The following ABHD3 variants were observed in gnomAD, a reference collection of about 807,000 sequenced individuals.
The protein encoded by ABHD3 is abhydrolase domain containing 3, phospholipase.
A neutral mutation model predicts 48.8 loss-of-function variants in ABHD3; 46 were observed. The observed-to-expected ratio is 0.94, with a 90% CI of 0.74 to 1.20. The LOEUF (loss-of-function observed/expected upper bound fraction) is 1.20, where lower values mean the gene tolerates loss of function less well. ABHD3 is among the 50% of genes most tolerant of loss of function. ABHD3 has a pLI of 0.00. For synonymous variants in ABHD3, 192 were observed against 183.7 expected, an observed-to-expected ratio of 1.04 and a Z score of -0.36; for missense variants, 490 against 497.8, an observed-to-expected ratio of 0.98 and a Z score of 0.15.
At chr18:21,694,643 G>A (rs565366464) in intron 3 of ABHD3, among the ~76,000 whole-genome samples, 19 of 152,086 alleles carry the variant, frequency 1.2e-4, no homozygotes, top group African/African-American at 4.6e-4. Flanking sequence ...AAAATCCCTC[G>A]AGTGATCCTT....
intron 5 of ABHD3, 64 bp downstream of exon 5, chr18:21,664,053 CT>C: frequency 6.5e-7 from 1 of 1,534,444 alleles, no homozygotes; most frequent in Non-Finnish European, 8.7e-7. Context: ...TTATAGTCCT[CT>C]CAAAGAGACA....
At chr18:21,660,428 A>G (rs1744599798) in intron 5 of ABHD3, among the ~76,000 whole-genome samples, 5 of 151,980 alleles carry the variant, frequency 3.3e-5, no homozygotes, top group Admixed American at 3.3e-4. Context: ...TTATTTCCTA[A>G]CACATATTTT....
intron 3 of ABHD3, among the ~76,000 whole-genome samples, chr18:21,700,651 C>G (rs1235342187): frequency 6.8e-6 from 1 of 147,612 alleles, no homozygotes; most frequent in South Asian, 2.2e-4. Context: ...CCACCTGCCT[C>G]GGCCTCCCAA....
chr18:21,692,488 T>C (rs1171381116), intron 3 of ABHD3, among the ~76,000 whole-genome samples: 1 of 152,160 alleles, frequency 6.6e-6, no homozygotes, highest in Non-Finnish European at 1.5e-5. Flanking sequence ...TGGTTATTTC[T>C]TGCTGATCAT....
At chr18:21,701,501 G>A (rs2040512909) in intron 3 of ABHD3, 1 of 152,134 alleles carries the variant, frequency 6.6e-6, no homozygotes. Context: ...ACTGTGACCA[G>A]CCTAAAATTA....
At chr18:21,698,784 T>C (rs1221639546) in intron 3 of ABHD3, among the ~76,000 whole-genome samples, 1 of 152,050 alleles carries the variant, frequency 6.6e-6, no homozygotes, top group Non-Finnish European at 1.5e-5. Context: ...TTTCGCCATG[T>C]GGGCCAGGCT....
chr18:21,699,080 G>A (rs533781556), intron 3 of ABHD3, among the ~76,000 whole-genome samples: 6 of 151,660 alleles, frequency 4.0e-5, no homozygotes, highest in Non-Finnish European at 1.5e-5. Context: ...GATTACAGGC[G>A]CACACCACTA....
intron 4 of ABHD3, among the ~76,000 whole-genome samples, chr18:21,674,624 A>G (rs1287304621): frequency 6.6e-6 from 1 of 152,136 alleles, no homozygotes; most frequent in Admixed American, 6.5e-5. Context: ...TCAAGGATTA[A>G]ATGTGTTCAC....
intron 3 of ABHD3, among the ~76,000 whole-genome samples, chr18:21,689,229 A>G (rs2040190791): frequency 6.6e-6 from 1 of 152,074 alleles, no homozygotes; most frequent in Non-Finnish European, 1.5e-5. Context: ...GGTATTACTC[A>G]ATGATAAATA....
rs568032719 is a variant in ABHD3 at position 21,695,557 on chromosome 18, T to C, written c.509+6759A>G. ...TTGGTGCAAAAGTAATTGGGGTTTT[T>C]GTCATTAAACATAATGGCAAATTAC... On this transcript the variant is annotated intron_variant, in intron 3 of 8. Coordinates refer to ENST00000289119, the MANE Select transcript of ABHD3 (RefSeq NM_138340.5). Among the ~76,000 whole-genome samples, 6 of 152,312 alleles carry C rather than the reference T, an allele frequency of 3.9e-5. No homozygotes were observed. In the South Asian group the frequency reaches 8.3e-4, roughly 21 times the overall value.
At chr18:21,686,355 T>C (rs1031333601) in intron 3 of ABHD3, among the ~76,000 whole-genome samples, 2 of 152,180 alleles carry the variant, frequency 1.3e-5, no homozygotes. Context: ...TCCCAGTCAT[T>C]CAGAAAAGAA....
chr18:21,651,823 T>C, intron 8 of ABHD3, 60 bp from the exon 9 acceptor site: 3 of 1,448,332 alleles, frequency 2.1e-6, no homozygotes, highest in Non-Finnish European at 9.2e-7. Context: ...AATATAATCA[T>C]TATGTTTTTG....
intron 4 of ABHD3, among the ~76,000 whole-genome samples, chr18:21,678,466 T>C (rs983448188): frequency 6.6e-6 from 1 of 152,128 alleles, no homozygotes; most frequent in Admixed American, 6.6e-5. Context: ...GGATCTATAA[T>C]TTTAGTTATA....
intron 3 of ABHD3, among the ~76,000 whole-genome samples, chr18:21,689,481 G>A (rs1047169405): frequency 2.6e-4 from 36 of 137,376 alleles, no homozygotes; most frequent in Non-Finnish European, 3.6e-4. Context: ...TCCGGGAGGC[G>A]GAGTTTGCAG....
chr18:21,694,316 C>T (rs1396739752), intron 3 of ABHD3, among the ~76,000 whole-genome samples: 2 of 152,090 alleles, frequency 1.3e-5, no homozygotes, highest in East Asian at 1.9e-4. Context: ...AGGCTGGTCT[C>T]GAACTCCTGA....
At chr18:21,696,576 A>C (rs2040375035) in intron 3 of ABHD3, among the ~76,000 whole-genome samples, 1 of 152,228 alleles carries the variant, frequency 6.6e-6, no homozygotes, top group Admixed American at 6.5e-5. Flanking sequence ...GATTTTTTGG[A>C]ATGAATGGTA....
chr18:21,702,719 C>T (rs117559166), intron 2 of ABHD3, among the ~76,000 whole-genome samples: 51 of 152,200 alleles, frequency 3.4e-4, no homozygotes, highest in Non-Finnish European at 6.0e-4. Flanking sequence ...CGTACAAGGT[C>T]GTATATAAAA....
At chr18:21,681,128 G>A (rs1163033277) in intron 4 of ABHD3, among the ~76,000 whole-genome samples, 1 of 151,938 alleles carries the variant, frequency 6.6e-6, no homozygotes, top group Non-Finnish European at 1.5e-5. Flanking sequence ...CCTGCACACT[G>A]ATAATCTCAG....
intron 8 of ABHD3, among the ~76,000 whole-genome samples, chr18:21,652,550 G>A (rs2039248398): frequency 6.6e-6 from 1 of 152,172 alleles, no homozygotes; most frequent in Non-Finnish European, 1.5e-5. Flanking sequence ...GTTGAGGCAG[G>A]TGGATCACGA....
Sources: allele counts gnomAD v4.1 joint callset (sites outside exome capture counted in the v4.1 genomes callset), GRCh38; gene constraint gnomAD v4.1.1; transcripts MANE v1.5; gene names NCBI Gene and HGNC (gene_info 2026-07-23, HGNC 2026-07-21).